Variants in CHODL observed in about 807,000 individuals in gnomAD.
The protein encoded by CHODL is chondrolectin.
A neutral mutation model predicts 34.5 loss-of-function variants in CHODL; 29 were observed. That is an observed-to-expected ratio of 0.84 (90% CI 0.63 to 1.15). CHODL has a LOEUF of 1.15. Ranked by LOEUF, CHODL falls within the 50% of genes most tolerant of loss-of-function variation. The probability of loss-of-function intolerance (pLI) is 0.00; values close to 1 mark genes in which losing one functional copy is unlikely to be tolerated. For missense variants in CHODL, 332 were observed against 332.5 expected (o/e 1.00, Z 0.01); for synonymous variants, 125 against 116.1 (o/e 1.08, Z -0.49).
At chr21:17,961,349 A>T (rs2063531104) in intron 1 of CHODL, among the ~76,000 whole-genome samples, 1 of 152,196 alleles carries the variant, frequency 6.6e-6, no homozygotes, top group South Asian at 2.1e-4. Flanking sequence ...TCTTGTTGTC[A>T]ATGATCAGTT....
chr21:18,093,756 A>G (rs895443665), intron 2 of CHODL, among the ~76,000 whole-genome samples: 25 of 152,178 alleles, frequency 1.6e-4, no homozygotes, highest in African/African-American at 5.5e-4. Flanking sequence ...ATAAAAAGCA[A>G]GAAATTAAAG....
At chr21:18,122,935 T>C (rs1350045325) in intron 2 of CHODL, among the ~76,000 whole-genome samples, 2 of 152,246 alleles carry the variant, frequency 1.3e-5, no homozygotes, top group African/African-American at 4.8e-5. Flanking sequence ...TTTATGTTTG[T>C]GTACGTTTAC....
rs148367725 is a variant in CHODL at position 18,222,474 on chromosome 21, C to G, written c.-44-34035C>G. 2.0e-5 allele frequency among the ~76,000 whole-genome samples: 3 copies of G among 152,252 alleles called. No individual in the cohort carries two copies. The East Asian group carries it at 5.8e-4, about 29-fold the overall frequency. The stretch of plus-strand genomic sequence containing the variant: ...CACTAATTCCTTCTCTGAAACAATG[C>G]AGTTGTGTGATGTCCTGGCAGCTCC... On this transcript the variant is annotated intron_variant, in intron 2 of 6. Coordinates refer to the CHODL transcript ENST00000400127.
chr21:18,097,633 T>G (rs891731955), intron 2 of CHODL, among the ~76,000 whole-genome samples: 1 of 152,020 alleles, frequency 6.6e-6, no homozygotes, highest in African/African-American at 2.4e-5. Context: ...TATTAAAATA[T>G]CCATACTACT....
Position 18,128,296 on chromosome 21 carries a change from C to CAAAAAAAAAAAAA in CHODL, c.-45+100358_-45+100370dup, listed in dbSNP as rs71189585. Reference sequence around the variant, plus strand: ...AGCCTGGGTGACAGAGCAAGAGTCTCAAAAAAAAAAAAAAAAAAAAAAAAA... The same window carrying CAAAAAAAAAAAAA: ...AGCCTGGGTGACAGAGCAAGAGTCTCAAAAAAAAAAAAAAAAAAAAAAAAAAAAAAAAAAAAAA... On this transcript the variant is annotated intron_variant, in intron 2 of 6. Coordinates refer to the CHODL transcript ENST00000400127. Among the ~76,000 whole-genome samples the CAAAAAAAAAAAAA allele has an allele frequency of 3.2e-4, 9 of 28,058 alleles. 1 individual carries two copies. The highest frequency in any genetic ancestry group is 3.7e-4 in the Non-Finnish European group (6 of 16,164). 18.4% of individuals were successfully genotyped at this position (28,058 alleles called of 152,430 possible). A position where few individuals can be genotyped will look rare whatever the true frequency, so the allele number is the denominator to read the frequency against.
intron 2 of CHODL, among the ~76,000 whole-genome samples, chr21:18,079,161 T>A (rs909160477): frequency 6.6e-6 from 1 of 152,054 alleles, no homozygotes; most frequent in African/African-American, 2.4e-5. Context: ...TGTCTATTAT[T>A]CTTCTCTGTA....
At chr21:17,930,952 C>T (rs188533764) in intron 1 of CHODL, among the ~76,000 whole-genome samples, 2 of 152,308 alleles carry the variant, frequency 1.3e-5, no homozygotes, top group East Asian at 1.9e-4. Context: ...CCCTGGCTTT[C>T]GGTGACATTG....
At chr21:17,918,434 C>T (rs1324276162) in intron 1 of CHODL, among the ~76,000 whole-genome samples, 3 of 152,018 alleles carry the variant, frequency 2.0e-5, no homozygotes, top group Non-Finnish European at 2.9e-5. Flanking sequence ...TGGTGGAAGG[C>T]AAGAAGGAGC....
intron 1 of CHODL, among the ~76,000 whole-genome samples, chr21:18,253,846 G>T (rs2074285778): frequency 6.6e-6 from 1 of 151,984 alleles, no homozygotes; most frequent in African/African-American, 2.4e-5. Context: ...AGATTTTTTA[G>T]TGTGTTGCTG....
chr21:18,099,794 G>A (rs560109728), intron 2 of CHODL: 5 of 152,196 alleles, frequency 3.3e-5, no homozygotes, highest in South Asian at 2.1e-4. Context: ...CTTTGGATGC[G>A]CTTAAATAAA....
intron 2 of CHODL, among the ~76,000 whole-genome samples, chr21:18,044,212 A>G (rs2064412731): frequency 6.6e-6 from 1 of 152,034 alleles, no homozygotes; most frequent in Admixed American, 6.6e-5. Context: ...TGCTGGTAAG[A>G]ATGAAATATA....
At chr21:18,120,952 C>T (rs1191618321) in intron 2 of CHODL, among the ~76,000 whole-genome samples, 1 of 151,882 alleles carries the variant, frequency 6.6e-6, no homozygotes, top group Non-Finnish European at 1.5e-5. Context: ...CAAATAGCTA[C>T]TTTTCTTTCA....
chr21:17,931,333 A>G (rs2063271909), intron 1 of CHODL, among the ~76,000 whole-genome samples: 1 of 152,214 alleles, frequency 6.6e-6, no homozygotes, highest in Middle Eastern at 3.2e-3. Flanking sequence ...AGAAGTACAC[A>G]AGGCTAAAGA....
At position 18,256,801 on chromosome 21, in the gene CHODL, A is replaced by C; in HGVS notation, c.372A>C (p.Gly124=). 6.2e-7 allele frequency: 1 copy of C among 1,613,776 alleles called. No homozygotes were observed. The highest frequency in any genetic ancestry group is 8.5e-7 in the Non-Finnish European group (1 of 1,179,802). The change falls in exon 2 of 6, where the codon GGA becomes GGC. Residue 124 remains glycine (G), a synonymous_variant. Coordinates refer to ENST00000299295, the MANE Select transcript of CHODL (RefSeq NM_024944.3). ...CAGATCTCTACCAGTGGTCTGATGG[A>C]AGCAATTCCCAGTACCGGTGAGTAT... is the stretch of plus-strand genomic sequence containing the variant. ...ACPDLYQWSD[G]SNSQYRNWYT...
Position 18,157,902 on chromosome 21 carries a change from C to T in CHODL, c.-44-98607C>T, listed in dbSNP as rs763344372. Among the ~76,000 whole-genome samples the T allele has an allele frequency of 6.0e-5, 9 of 150,364 alleles. No homozygotes were observed. The South Asian group carries it at 6.3e-4, about 11-fold the overall frequency. On this transcript the variant is annotated intron_variant, in intron 2 of 6. Transcript: ENST00000400127. Reference sequence around the variant, plus strand: ...TTTCTGGGTTTACCATTTTTAAAGACGATATTGCCAAAATAGATAAAAAAC... The same window carrying T: ...TTTCTGGGTTTACCATTTTTAAAGATGATATTGCCAAAATAGATAAAAAAC...
At chr21:18,100,106 C>T (rs960776957) in intron 2 of CHODL, 9 of 152,068 alleles carry the variant, frequency 5.9e-5, no homozygotes, top group Non-Finnish European at 1.0e-4. Flanking sequence ...AAATAAGTTA[C>T]ATAAGAGAAG....
intron 1 of CHODL, among the ~76,000 whole-genome samples, chr21:17,960,517 A>T (rs188081106): frequency 1.3e-5 from 2 of 152,256 alleles, no homozygotes; most frequent in African/African-American, 4.8e-5. Flanking sequence ...TTCCAGAGAC[A>T]TTTGATACCA....
At chr21:18,027,174 T>G (rs2064185693) in intron 1 of CHODL, among the ~76,000 whole-genome samples, 1 of 151,972 alleles carries the variant, frequency 6.6e-6, no homozygotes, top group Non-Finnish European at 1.5e-5. Flanking sequence ...CTTGGGAGGC[T>G]GAGGTGGAAG....
chr21:18,193,748 A>AAAC (rs2073546915), intron 2 of CHODL, among the ~76,000 whole-genome samples: 1 of 146,654 alleles, frequency 6.8e-6, no homozygotes, highest in Non-Finnish European at 1.5e-5. Context: ...AATAAATAAA[A>AAAC]AATAAACTTA....
Sources: gnomAD v4.1 joint callset for allele counts (sites outside exome capture counted in the v4.1 genomes callset) on GRCh38, gnomAD v4.1.1 for gene constraint, MANE v1.5 for transcripts, NCBI Gene and HGNC (gene_info 2026-07-23, HGNC 2026-07-21) for gene names.